SOX5: variants seen among roughly 807,000 people sequenced by gnomAD.
SOX5 encodes the protein transcription factor SOX-5.
A neutral mutation model predicts 92.0 loss-of-function variants in SOX5; 9 were observed. That is an observed-to-expected ratio of 0.10 (90% CI 0.06 to 0.17). The LOEUF is 0.17. Ranked by LOEUF, SOX5 falls within the 10% of genes least tolerant of loss-of-function variation. The pLI is 1.00. For missense variants in SOX5, 642 were observed against 944.5 expected, an observed-to-expected ratio of 0.68 and a Z score of 4.20; for synonymous variants, 344 against 336.3, an observed-to-expected ratio of 1.02 and a Z score of -0.25.
chr12:24,463,866 T>C (rs1405741966), intron 1 of SOX5, among the ~76,000 whole-genome samples: 2 of 152,218 alleles, frequency 1.3e-5, no homozygotes, highest in African/African-American at 2.4e-5. Context: ...ATCTTTTCCT[T>C]ACATGACCAG....
chr12:24,409,850 C>T (rs1357944189), intron 1 of SOX5, among the ~76,000 whole-genome samples: 2 of 152,142 alleles, frequency 1.3e-5, no homozygotes, highest in Admixed American at 1.3e-4. Context: ...TTGGATTTCT[C>T]TTTTTTACTA....
chr12:24,143,855 G>A (rs1216098842), intron 4 of SOX5, among the ~76,000 whole-genome samples: 1 of 151,260 alleles, frequency 6.6e-6, no homozygotes. Context: ...GAGGAGGAAA[G>A]AAGAAGGAGG....
chr12:24,183,096 GAAGCT>G, intron 4 of SOX5, among the ~76,000 whole-genome samples: 1 of 152,110 alleles, frequency 6.6e-6, no homozygotes, highest in South Asian at 2.1e-4. Context: ...CTCCCACAAA[GAAGCT>G]AAGAACCATA....
chr12:24,026,206 G>T (rs180904514), intron 4 of SOX5, among the ~76,000 whole-genome samples: 1 of 152,002 alleles, frequency 6.6e-6, no homozygotes, highest in Non-Finnish European at 1.5e-5. Context: ...GGGTAACCAC[G>T]GGAGTGAAGG....
At chr12:23,818,667 TAATTA>T (rs928536833) in intron 3 of SOX5, among the ~76,000 whole-genome samples, 17 of 152,286 alleles carry the variant, frequency 1.1e-4, no homozygotes, top group East Asian at 9.6e-4. Context: ...ATTTTATAAT[TAATTA>T]AATTAACTTT....
chr12:24,535,166 G>A (rs549083127), intron 1 of SOX5, among the ~76,000 whole-genome samples: 15 of 152,190 alleles, frequency 9.9e-5, no homozygotes, highest in South Asian at 4.2e-4. Context: ...GGCTAAAATC[G>A]GCTCTTGGCT....
chr12:23,801,712 T>A (rs1567876035), intron 3 of SOX5, among the ~76,000 whole-genome samples: 1 of 152,186 alleles, frequency 6.6e-6, no homozygotes, highest in South Asian at 2.1e-4. Flanking sequence ...TTAAGTACTA[T>A]TACATAAATT....
intron 7 of SOX5, among the ~76,000 whole-genome samples, chr12:23,659,337 A>G (rs566262238): frequency 2.6e-5 from 4 of 152,344 alleles, no homozygotes; most frequent in Admixed American, 6.5e-5. Context: ...ATGAGGAACT[A>G]ATTAACTGAG....
At chr12:24,114,915 GAC>G (rs1206998111) in intron 4 of SOX5, among the ~76,000 whole-genome samples, 1 of 138,540 alleles carries the variant, frequency 7.2e-6, no homozygotes, top group African/African-American at 2.6e-5. Context: ...CAGCCTGAGT[GAC>G]AGAGTGAGAC....
At chr12:23,834,754 C>T (rs2096385853) in intron 3 of SOX5, among the ~76,000 whole-genome samples, 2 of 151,724 alleles carry the variant, frequency 1.3e-5, no homozygotes, top group African/African-American at 4.8e-5. Flanking sequence ...GTGAAAATAG[C>T]TTGGAGGCAA....
chr12:23,815,039 T>C (rs1032884597), intron 3 of SOX5, among the ~76,000 whole-genome samples: 1 of 152,204 alleles, frequency 6.6e-6, no homozygotes, highest in Non-Finnish European at 1.5e-5. Flanking sequence ...TAAATAATTA[T>C]TGTGATATTT....
intron 1 of SOX5, among the ~76,000 whole-genome samples, chr12:24,544,542 T>G (rs916497391): frequency 6.6e-6 from 1 of 152,142 alleles, no homozygotes; most frequent in African/African-American, 2.4e-5. Flanking sequence ...TTTAGTTAAT[T>G]GTGGGGAATT....
intron 1 of SOX5, among the ~76,000 whole-genome samples, chr12:23,928,942 T>C (rs1282877821): frequency 6.6e-6 from 1 of 151,878 alleles, no homozygotes; most frequent in East Asian, 1.9e-4. Context: ...TAGCTGTTGC[T>C]AAATTATTGC....
Position 23,846,175 on chromosome 12 carries a change from C to G in SOX5, c.289G>C (p.Val97Leu), listed in dbSNP as rs1699927622. 6.2e-7 allele frequency: 1 copy of G among 1,613,786 alleles called. No homozygotes were observed. The highest frequency in any genetic ancestry group is 1.3e-5 in the African/African-American group (1 of 75,004). Residue 97 changes from valine (V) to leucine (L), a missense_variant, in exon 3 of 15, where the codon GTT (valine) becomes CTT (leucine). Coordinates refer to ENST00000451604, the MANE Select transcript of SOX5 (RefSeq NM_006940.6). ...TTGTGTGGGGCAAATGAAGACATAA[C>G]TTTATTGCCATCAACTTCCTGAAAG... is the stretch of plus-strand genomic sequence containing the variant. ...HNTMEVDGNK[V>L]MSSFAPHNSS...
intron 4 of SOX5, among the ~76,000 whole-genome samples, chr12:23,973,020 T>C (rs774361822): frequency 6.6e-6 from 1 of 152,188 alleles, no homozygotes; most frequent in African/African-American, 2.4e-5. Flanking sequence ...ACTCTGTTTA[T>C]ATGAGATTGA....
intron 2 of SOX5, among the ~76,000 whole-genome samples, chr12:24,314,171 C>T (rs146900822): frequency 1.4e-3 from 209 of 152,246 alleles, no homozygotes; most frequent in African/African-American, 4.9e-3. Flanking sequence ...AAACCTGTGT[C>T]TTCTCCCAAC....
At chr12:23,832,306 A>T (rs2096339978) in intron 3 of SOX5, among the ~76,000 whole-genome samples, 1 of 152,046 alleles carries the variant, frequency 6.6e-6, no homozygotes, top group African/African-American at 2.4e-5. Context: ...GGGGAAATGT[A>T]TATAAATAAA....
intron 1 of SOX5, among the ~76,000 whole-genome samples, chr12:24,400,815 T>C (rs1460919501): frequency 6.6e-6 from 1 of 152,186 alleles, no homozygotes; most frequent in Admixed American, 6.5e-5. Context: ...GTGACAGAAC[T>C]GAAACACTAT....
intron 2 of SOX5, among the ~76,000 whole-genome samples, chr12:24,341,116 T>C (rs967338858): frequency 7.2e-5 from 11 of 152,240 alleles, no homozygotes; most frequent in African/African-American, 1.9e-4. Flanking sequence ...TTTCATAAGA[T>C]GGTTAATCTA....
Sources: allele counts gnomAD v4.1 joint callset (sites outside exome capture counted in the v4.1 genomes callset), GRCh38; gene constraint gnomAD v4.1.1; transcripts MANE v1.5; gene names NCBI Gene and HGNC (gene_info 2026-07-23, HGNC 2026-07-21).